Variants in STK3 observed in about 807,000 individuals in gnomAD.
The protein encoded by STK3 is serine/threonine kinase 3.
STK3 carries 41 observed loss-of-function variants against 58.0 expected under a neutral mutation model. The observed-to-expected ratio is 0.71, with a 90% confidence interval of 0.55 to 0.92. STK3 has a LOEUF of 0.92. Among genes scored for constraint, STK3 ranks in the 40% least tolerant of loss-of-function variants. The pLI, the probability that STK3 is intolerant of heterozygous loss-of-function variation, is 0.00. For missense variants in STK3, 479 were observed against 602.7 expected (o/e 0.79, Z 2.15); for synonymous variants, 170 against 191.0 (o/e 0.89, Z 0.91).
intron 9 of STK3, among the ~76,000 whole-genome samples, chr8:98,543,349 A>C (rs1810441204): frequency 6.6e-6 from 1 of 152,158 alleles, no homozygotes; most frequent in Non-Finnish European, 1.5e-5. Flanking sequence ...GGGCATAAGC[A>C]GAAGAGAAAT....
intron 10 of STK3, among the ~76,000 whole-genome samples, chr8:98,485,972 GA>G (rs1325467056): frequency 7.9e-5 from 12 of 152,336 alleles, no homozygotes; most frequent in African/African-American, 2.9e-4. Context: ...AAGCTCCAAA[GA>G]AGAGGTAATG....
chr8:98,385,310 G>A lies in STK3; in HGVS notation n.56+2882C>T, dbSNP rs971259593. 4.6e-5 allele frequency among the ~76,000 whole-genome samples: 7 copies of A among 152,200 alleles called. No homozygotes were observed. The South Asian group carries it at 1.0e-3, about 23-fold the overall frequency. ...AAAGGAAACAAGTCCCATTTTCTGT[G>A]AAGGAACTCAGCACAGCCCAAGAGC... On this transcript the variant is annotated intron_variant and non_coding_transcript_variant, in intron 1 of 2. Transcript: ENST00000518704.
intron 6 of STK3, among the ~76,000 whole-genome samples, chr8:98,654,047 C>A (rs1345383478): frequency 4.6e-5 from 7 of 152,180 alleles, no homozygotes; most frequent in African/African-American, 1.7e-4. Flanking sequence ...GAATTTTAGA[C>A]CAATATCCTT....
At chr8:98,420,240 T>C (rs1818156567) in intron 3 of STK3, among the ~76,000 whole-genome samples, 1 of 152,176 alleles carries the variant, frequency 6.6e-6, no homozygotes, top group Admixed American at 6.5e-5. Flanking sequence ...GGCGAATCCA[T>C]GCTACAGGTG....
chr8:98,650,282 G>A (rs570677596), intron 6 of STK3, among the ~76,000 whole-genome samples: 1 of 152,200 alleles, frequency 6.6e-6, no homozygotes, highest in Admixed American at 6.5e-5. Context: ...GATAATAGAG[G>A]ACATACTTGT....
chr8:98,840,404 T>A (rs1020401232), intron 3 of STK3, among the ~76,000 whole-genome samples: 6 of 143,812 alleles, frequency 4.2e-5, no homozygotes, highest in African/African-American at 1.5e-4. Flanking sequence ...AAACCCTTTC[T>A]CTACAAAAAA....
intron 6 of STK3, among the ~76,000 whole-genome samples, chr8:98,676,614 TAAAA>T (rs773621636): frequency 7.3e-6 from 1 of 137,434 alleles, no homozygotes; most frequent in East Asian, 2.1e-4. Flanking sequence ...ACTCTATCTT[TAAAA>T]AAAAAAAAAA....
At chr8:98,567,300 C>A (rs1812565548) in intron 8 of STK3, among the ~76,000 whole-genome samples, 2 of 152,180 alleles carry the variant, frequency 1.3e-5, no homozygotes, top group Admixed American at 6.5e-5. Flanking sequence ...TGGGCTCAAG[C>A]AATCCTTCCA....
intron 3 of STK3, among the ~76,000 whole-genome samples, chr8:98,423,442 G>C (rs1290430863): frequency 6.6e-6 from 1 of 152,234 alleles, no homozygotes; most frequent in African/African-American, 2.4e-5. Context: ...GCAGTGAGCC[G>C]AAGTTTGGGA....
At chr8:98,702,268 C>G (rs1053989123) in intron 6 of STK3, among the ~76,000 whole-genome samples, 4 of 152,170 alleles carry the variant, frequency 2.6e-5, no homozygotes, top group Non-Finnish European at 5.9e-5. Context: ...TAATCAATCT[C>G]TGACAAACTG....
chr8:98,502,882 TGC>T (rs1478120702), intron 10 of STK3, among the ~76,000 whole-genome samples: 1 of 152,236 alleles, frequency 6.6e-6, no homozygotes, highest in East Asian at 1.9e-4. Context: ...TGTGTGTCTC[TGC>T]CAGGCTTTGG....
intron 7 of STK3, among the ~76,000 whole-genome samples, chr8:98,590,421 A>G (rs1302427606): frequency 6.6e-6 from 1 of 152,170 alleles, no homozygotes; most frequent in Non-Finnish European, 1.5e-5. Flanking sequence ...AGCCGAGAAG[A>G]TCTGGGAAGG....
chr8:98,440,456 C>T (rs150661932), intron 1 of STK3, among the ~76,000 whole-genome samples: 20 of 152,260 alleles, frequency 1.3e-4, no homozygotes, highest in Admixed American at 1.2e-3. Context: ...ATTCCAGAAC[C>T]CTTTTCATCT....
upstream of STK3, among the ~76,000 whole-genome samples, chr8:98,828,931 C>A (rs941722004): frequency 2.6e-5 from 4 of 152,218 alleles, no homozygotes; most frequent in Non-Finnish European, 5.9e-5. Flanking sequence ...ATAGCAAGTG[C>A]CTGATAAATC....
intron 3 of STK3, 68 bp downstream of exon 3, chr8:98,767,175 T>C (rs1831002914): frequency 4.9e-6 from 7 of 1,431,412 alleles, no homozygotes; most frequent in Admixed American, 2.5e-5. Context: ...AAAGAATAAA[T>C]TTTGTTATAT....
chr8:98,908,628 C>A (rs1587833759), intron 1 of STK3, among the ~76,000 whole-genome samples: 1 of 151,282 alleles, frequency 6.6e-6, no homozygotes, highest in Non-Finnish European at 1.5e-5. Context: ...GGCGGATCAC[C>A]TGAGGTCAGT....
At position 98,485,873 on chromosome 8, in the gene STK3, T is replaced by C. The variant is rs559414357; in HGVS notation, c.1318-29873A>G. 1.6e-4 allele frequency among the ~76,000 whole-genome samples: 24 copies of C among 152,236 alleles called. 1 individual carries two copies. Among genetic ancestry groups the C allele is most frequent in the South Asian group, 1.0e-3 (5 of 4,822 alleles). The stretch of plus-strand genomic sequence containing the variant: ...TTTATATTACAGAAGTAGGGGGCCA[T>C]GAAAGTCTCAAAGTGAATGACATGA... On this transcript the variant is annotated intron_variant, in intron 10 of 10. Transcript: ENST00000419617.
chr8:98,559,611 T>C (rs1419327085), intron 8 of STK3, among the ~76,000 whole-genome samples: 2 of 152,156 alleles, frequency 1.3e-5, no homozygotes, highest in African/African-American at 4.8e-5. Flanking sequence ...GCCTGAGTTC[T>C]CCCTTGGGAT....
chr8:98,345,826 T>C, the STK3 span, among the ~76,000 whole-genome samples: 3 of 152,044 alleles, frequency 2.0e-5, no homozygotes, highest in Admixed American at 6.5e-5. Context: ...AAGATCCAAA[T>C]TGAATTTCTA....
Sources: allele counts gnomAD v4.1 joint callset (sites outside exome capture counted in the v4.1 genomes callset), GRCh38; gene constraint gnomAD v4.1.1; transcripts MANE v1.5; gene names NCBI Gene and HGNC (gene_info 2026-07-23, HGNC 2026-07-21).